The following RFPL1 variants were observed in gnomAD, a reference collection of about 807,000 sequenced individuals.
The protein encoded by RFPL1 is ret finger protein like 1.
A neutral mutation model predicts 9.6 loss-of-function variants in RFPL1; 6 were observed. The observed-to-expected ratio is 0.62, with a 90% CI of 0.34 to 1.23. The LOEUF is 1.23. Ranked by LOEUF, RFPL1 falls within the 50% of genes most tolerant of loss-of-function variation. The pLI, the probability that RFPL1 is intolerant of heterozygous loss-of-function variation, is 0.03. For missense variants in RFPL1, 352 were observed against 398.4 expected, an observed-to-expected ratio of 0.88 and a Z score of 0.99; for synonymous variants, 145 against 149.4, an observed-to-expected ratio of 0.97 and a Z score of 0.22.
the RFPL1 span, among the ~76,000 whole-genome samples, chr22:29,399,421 C>T: frequency 6.6e-6 from 1 of 152,160 alleles, no homozygotes; most frequent in Non-Finnish European, 1.5e-5. Flanking sequence ...AAATAGACCT[C>T]ACCTCAAGTC....
upstream of RFPL1, chr22:29,437,616 G>A (rs2062814774): frequency 3.8e-6 from 6 of 1,588,890 alleles, no homozygotes; most frequent in Non-Finnish European, 5.1e-6. Context: ...GGAAGGGCAT[G>A]ACCCAGTGGG....
At chr22:29,393,708 G>A in the RFPL1 span, among the ~76,000 whole-genome samples, 10 of 152,160 alleles carry the variant, frequency 6.6e-5, no homozygotes, top group Non-Finnish European at 1.0e-4. Flanking sequence ...GAGAGAGGGC[G>A]CTGGCTTCCT....
chr22:29,442,178 C>A (rs1405540108), exon 2 of RFPL1: 5 of 1,300,806 alleles, frequency 3.8e-6, no homozygotes, highest in African/African-American at 1.5e-5. Flanking sequence ...GGTGGGCAGA[C>A]TTAGGAACGC....
chr22:29,433,313 A>G, the RFPL1 span: 8 of 152,068 alleles, frequency 5.3e-5, no homozygotes, highest in Non-Finnish European at 1.2e-4. Context: ...AAGGAAAAGA[A>G]AAAAGAAAAT....
the RFPL1 span, among the ~76,000 whole-genome samples, chr22:29,402,429 G>A: frequency 1.3e-5 from 2 of 152,186 alleles, no homozygotes; most frequent in South Asian, 2.1e-4. Context: ...AGAAACAGAG[G>A]GAGAAAAGAG....
At chr22:29,440,477 C>A (rs965076791) in intron 1 of RFPL1, 3 of 152,204 alleles carry the variant, frequency 2.0e-5, no homozygotes, top group African/African-American at 7.2e-5. Context: ...TTGGCAGCTT[C>A]ACCTATCAAC....
At chr22:29,427,103 A>G in the RFPL1 span, among the ~76,000 whole-genome samples, 1 of 152,230 alleles carries the variant, frequency 6.6e-6, no homozygotes, top group Non-Finnish European at 1.5e-5. Flanking sequence ...GAACACATTT[A>G]TCTGCCGCAA....
upstream of RFPL1, among the ~76,000 whole-genome samples, chr22:29,435,185 C>T (rs998349490): frequency 1.3e-5 from 2 of 152,176 alleles, no homozygotes; most frequent in Non-Finnish European, 2.9e-5. Flanking sequence ...AGTATTGTTA[C>T]AGTTGTCCTT....
the RFPL1 span, among the ~76,000 whole-genome samples, chr22:29,421,292 A>AG: frequency 6.6e-6 from 1 of 152,088 alleles, no homozygotes; most frequent in Non-Finnish European, 1.5e-5. Flanking sequence ...CAACCCCAAA[A>AG]TAAAAAAATT....
chr22:29,426,277 C>T, the RFPL1 span, among the ~76,000 whole-genome samples: 1 of 151,524 alleles, frequency 6.6e-6, no homozygotes, highest in Non-Finnish European at 1.5e-5. Flanking sequence ...GATCTGAGAT[C>T]ATGCCACTGC....
At chr22:29,401,237 G>C in the RFPL1 span, among the ~76,000 whole-genome samples, 221 of 152,278 alleles carry the variant, frequency 1.5e-3, no homozygotes, top group African/African-American at 5.2e-3. Flanking sequence ...TAAATTCAAA[G>C]TTTCCCTAAG....
chr22:29,394,406 G>A, the RFPL1 span, among the ~76,000 whole-genome samples: 7 of 148,876 alleles, frequency 4.7e-5, no homozygotes, highest in African/African-American at 1.0e-4. Context: ...GCGGTGGTGC[G>A]GTCTTGGCTC....
At chr22:29,408,946 A>G in the RFPL1 span, among the ~76,000 whole-genome samples, 2 of 147,204 alleles carry the variant, frequency 1.4e-5, no homozygotes, top group East Asian at 3.9e-4. Flanking sequence ...CCGGTTTTTT[A>G]TTTCACCAAG....
At chr22:29,417,117 C>G in the RFPL1 span, among the ~76,000 whole-genome samples, 1 of 151,620 alleles carries the variant, frequency 6.6e-6, no homozygotes, top group African/African-American at 2.4e-5. Flanking sequence ...TGGAAGATGA[C>G]GCACCAGGAA....
At chr22:29,435,956 C>T (rs115784401), upstream of RFPL1, among the ~76,000 whole-genome samples, 2 of 152,142 alleles carry the variant, frequency 1.3e-5, no homozygotes, top group African/African-American at 4.8e-5. Flanking sequence ...AAGATAAATA[C>T]CACATGTTCT....
the RFPL1 span, among the ~76,000 whole-genome samples, chr22:29,388,161 G>C: frequency 6.6e-6 from 1 of 152,366 alleles, no homozygotes; most frequent in Non-Finnish European, 1.5e-5. Context: ...GAATTCCTCG[G>C]GGCCTAAGTC....
the RFPL1 span, among the ~76,000 whole-genome samples, chr22:29,406,276 C>T: frequency 1.3e-5 from 2 of 151,756 alleles, no homozygotes; most frequent in African/African-American, 4.9e-5. Context: ...CTATACACTA[C>T]CAAGTATCTG....
At chr22:29,429,753 T>A in the RFPL1 span, among the ~76,000 whole-genome samples, 1 of 152,174 alleles carries the variant, frequency 6.6e-6, no homozygotes, top group Non-Finnish European at 1.5e-5. Context: ...ACCAAAAAAC[T>A]GTTAGAAATG....
At chr22:29,393,004 G>A in the RFPL1 span, among the ~76,000 whole-genome samples, 1 of 152,290 alleles carries the variant, frequency 6.6e-6, no homozygotes, top group South Asian at 2.1e-4. Context: ...CCCCCCTTGG[G>A]GGCTCACTGT....
Sources: gnomAD v4.1 joint callset for allele counts (sites outside exome capture counted in the v4.1 genomes callset) on GRCh38, gnomAD v4.1.1 for gene constraint, MANE v1.5 for transcripts, NCBI Gene and HGNC (gene_info 2026-07-23, HGNC 2026-07-21) for gene names.